MYO6: variants seen among roughly 807,000 people sequenced by gnomAD.
MYO6 encodes the protein myosin VI, also known as unconventional myosin-VI.
MYO6 carries 74 observed loss-of-function variants against 178.7 expected under a neutral mutation model. The observed-to-expected ratio is 0.41, with a 90% CI of 0.34 to 0.50. The LOEUF (loss-of-function observed/expected upper bound fraction) is 0.50. Ranked by LOEUF, MYO6 falls within the 20% of genes least tolerant of loss-of-function variation. MYO6 has a pLI of 0.09. For synonymous variants in MYO6, 477 were observed against 504.6 expected (o/e 0.95, Z 0.73); for missense variants, 1,330 against 1,547.4 (o/e 0.86, Z 2.36).
intron 1 of MYO6, among the ~76,000 whole-genome samples, chr6:75,751,427 A>G (rs1170779885): frequency 6.6e-6 from 1 of 152,214 alleles, no homozygotes; most frequent in Non-Finnish European, 1.5e-5. Flanking sequence ...ATAAAACTAT[A>G]TATGATATAC....
intron 1 of MYO6, among the ~76,000 whole-genome samples, chr6:75,756,212 T>G (rs753262490): frequency 7.1e-6 from 1 of 140,960 alleles, no homozygotes; most frequent in Non-Finnish European, 1.5e-5. Context: ...CTAGGCAACA[T>G]AGCCAGATTC....
chr6:75,823,273 A>G (rs1197277958), intron 3 of MYO6, among the ~76,000 whole-genome samples: 1 of 152,242 alleles, frequency 6.6e-6, no homozygotes, highest in Non-Finnish European at 1.5e-5. Flanking sequence ...AAAATTCTAT[A>G]TAATTACTAA....
At chr6:75,890,412 T>A (rs1374451914) in intron 26 of MYO6, 147 bp downstream of exon 26, 7 of 1,132,366 alleles carry the variant, frequency 6.2e-6, no homozygotes, top group Non-Finnish European at 6.3e-6. Context: ...AGTGGCGCGA[T>A]CTTGGCTTAC....
At chr6:75,765,457 A>G (rs930052192) in intron 1 of MYO6, among the ~76,000 whole-genome samples, 1 of 152,104 alleles carries the variant, frequency 6.6e-6, no homozygotes, top group Non-Finnish European at 1.5e-5. Context: ...GATTACAGGC[A>G]TGAGCCACTG....
At position 75,905,548 on chromosome 6, in the gene MYO6, A is replaced by T. The variant is rs552564395; in HGVS notation, c.3177-2057A>T. On this transcript the variant is annotated intron_variant, in intron 30 of 34. Coordinates refer to ENST00000369977, the MANE Select transcript of MYO6 (RefSeq NM_004999.4). Reference sequence around the variant, plus strand: ...ACTCCCTGACCCCTTGCTCTTCTGGAGTGAGGCAATGCCTCGCCCTGCTTT... The same window carrying T: ...ACTCCCTGACCCCTTGCTCTTCTGGTGTGAGGCAATGCCTCGCCCTGCTTT... Among the ~76,000 whole-genome samples the T allele has an allele frequency of 2.6e-5, 4 of 152,316 alleles. No individual in the cohort carries two copies. In the South Asian group the frequency reaches 6.2e-4, roughly 24 times the overall value.
At chr6:75,867,832 T>C (rs1365642100) in intron 18 of MYO6, among the ~76,000 whole-genome samples, 1 of 152,172 alleles carries the variant, frequency 6.6e-6, no homozygotes, top group African/African-American at 2.4e-5. Context: ...GGGTTTGTCT[T>C]AGAACACTAC....
At position 75,878,537 on chromosome 6, in the gene MYO6, T is replaced by C. The variant is rs146791207; in HGVS notation, c.2078-1283T>C. Among the ~76,000 whole-genome samples the C allele has an allele frequency of 3.1e-3, 478 of 152,352 alleles. 4 individuals carry two copies. The highest frequency in any genetic ancestry group is 4.0e-3 in the Non-Finnish European group (273 of 68,030). Reference sequence around the variant, plus strand: ...GCTCTGAGTACTAGTTGTTATCTTATACCTTTGCCAGTCAAATGGGTTAAA... The same window carrying C: ...GCTCTGAGTACTAGTTGTTATCTTACACCTTTGCCAGTCAAATGGGTTAAA... On this transcript the variant is annotated intron_variant, in intron 20 of 34. Coordinates refer to ENST00000369977, the MANE Select transcript of MYO6 (RefSeq NM_004999.4).
rs1000119383 is a variant in MYO6, at chr6:75,850,736, T to G, written c.1078+2205T>G. The stretch of plus-strand genomic sequence containing the variant: ...TTTTCGTGTCTTAGTTTCCTCACTG[T>G]AAACTGAAGATAATAGTACCTACCT... On this transcript the variant is annotated intron_variant, in intron 11 of 34. Coordinates refer to ENST00000369977, the MANE Select transcript of MYO6 (RefSeq NM_004999.4). 3.3e-5 allele frequency among the ~76,000 whole-genome samples: 5 copies of G among 152,208 alleles called. No homozygotes were observed. The East Asian group carries it at 9.6e-4, about 29-fold the overall frequency.
intron 1 of MYO6, among the ~76,000 whole-genome samples, chr6:75,782,909 CT>C (rs397888755): frequency 0.21 from 24,869 of 117,866 alleles, 2,514 homozygotes; most frequent in African/African-American, 0.45. Flanking sequence ...AGCTAGTTAG[CT>C]TTTTTTTTTT....
At chr6:75,887,661 A>C (rs1778556232) in intron 25 of MYO6, among the ~76,000 whole-genome samples, 1 of 147,554 alleles carries the variant, frequency 6.8e-6, no homozygotes. Flanking sequence ...AAAATGAAAA[A>C]AGAAAACTAA....
intron 1 of MYO6, among the ~76,000 whole-genome samples, chr6:75,809,604 G>A (rs937197001): frequency 1.8e-4 from 28 of 152,130 alleles, no homozygotes; most frequent in African/African-American, 6.5e-4. Flanking sequence ...GGTATATATT[G>A]ATTCTGTCTC....
At chr6:75,764,912 T>A (rs1293927043) in intron 1 of MYO6, among the ~76,000 whole-genome samples, 3 of 150,874 alleles carry the variant, frequency 2.0e-5, no homozygotes, top group Non-Finnish European at 4.4e-5. Context: ...GGCAGGAGAA[T>A]GGCGTGAATC....
At chr6:75,901,421 C>T (rs1310348716) in intron 30 of MYO6, among the ~76,000 whole-genome samples, 3 of 152,140 alleles carry the variant, frequency 2.0e-5, no homozygotes, top group African/African-American at 4.8e-5. Context: ...TTGTAGTTCT[C>T]CTTGAAGAGG....
chr6:75,876,015 C>T (rs892577637), intron 20 of MYO6, among the ~76,000 whole-genome samples: 51 of 152,222 alleles, frequency 3.4e-4, no homozygotes, highest in African/African-American at 1.2e-3. Context: ...CTTCAGTCAC[C>T]CTGACTTTCA....
intron 10 of MYO6, among the ~76,000 whole-genome samples, chr6:75,847,192 C>T (rs957999098): frequency 6.6e-6 from 1 of 152,050 alleles, no homozygotes; most frequent in Non-Finnish European, 1.5e-5. Context: ...GTTTTGGCTG[C>T]ATGTGATTGT....
At chr6:75,806,060 G>T (rs1416389426) in intron 1 of MYO6, among the ~76,000 whole-genome samples, 1 of 152,074 alleles carries the variant, frequency 6.6e-6, no homozygotes, top group African/African-American at 2.4e-5. Flanking sequence ...GAATAAATCA[G>T]ACTTCATTAA....
At chr6:75,814,323 C>T (rs1426792557) in intron 1 of MYO6, among the ~76,000 whole-genome samples, 3 of 152,048 alleles carry the variant, frequency 2.0e-5, no homozygotes, top group Admixed American at 1.3e-4. Flanking sequence ...GTTTTGCTCC[C>T]CTCTCCAGTG....
In MYO6 at chr6:75,866,513, T is replaced by A. The variant is rs1263334568; in HGVS notation, c.1675-13T>A. On this transcript the variant is annotated splice_polypyrimidine_tract_variant and intron_variant, in intron 16 of 34. Transcript: ENST00000369977. ...TTGATCATTTAATAACTCATATATG[T>A]ATTGTTTTTCAGATTCCCAGAAAAT... 2 of 1,581,652 alleles carry A rather than the reference T, an allele frequency of 1.3e-6. No homozygotes were observed. Among genetic ancestry groups the A allele is most frequent in the East Asian group, 4.5e-5 (2 of 44,726 alleles).
chr6:75,852,570 G>A (rs540652202), intron 11 of MYO6, among the ~76,000 whole-genome samples: 19 of 152,126 alleles, frequency 1.2e-4, no homozygotes, highest in African/African-American at 4.3e-4. Context: ...AATTTATTCT[G>A]GACATTTCAT....
Sources: allele counts gnomAD v4.1 joint callset (sites outside exome capture counted in the v4.1 genomes callset), GRCh38; gene constraint gnomAD v4.1.1; transcripts MANE v1.5; gene names NCBI Gene and HGNC (gene_info 2026-07-23, HGNC 2026-07-21).